FXYD6: variants seen among roughly 807,000 people sequenced by gnomAD.
The protein encoded by FXYD6 is FXYD domain-containing ion transport regulator 6.
Under a neutral mutation model 16.7 loss-of-function variants are expected in FXYD6, and 7 were observed. That is an observed-to-expected ratio of 0.42 (90% CI 0.24 to 0.79). FXYD6 has a LOEUF of 0.79. Among genes scored for constraint, FXYD6 ranks in the 30% least tolerant of loss-of-function variants. The probability of loss-of-function intolerance (pLI) is 0.28; values close to 1 mark genes in which losing one functional copy is unlikely to be tolerated. For synonymous variants in FXYD6, 49 were observed against 43.0 expected (o/e 1.14, Z -0.54); for missense variants, 111 against 116.2 (o/e 0.95, Z 0.21).
chr11:117,867,929 G>C (rs1016866563), intron 1 of FXYD6, among the ~76,000 whole-genome samples: 10 of 152,154 alleles, frequency 6.6e-5, no homozygotes, highest in African/African-American at 2.4e-4. Context: ...GTGTAGCCAA[G>C]GGCAGTGTAG....
intron 1 of FXYD6, among the ~76,000 whole-genome samples, chr11:117,847,934 T>G (rs186717302): frequency 1.3e-5 from 2 of 152,178 alleles, no homozygotes; most frequent in African/African-American, 4.8e-5. Flanking sequence ...CCTGAGGAAT[T>G]GCCACACTGA....
chr11:117,856,494 T>A (rs1225549888), intron 1 of FXYD6, among the ~76,000 whole-genome samples: 5 of 152,140 alleles, frequency 3.3e-5, no homozygotes, highest in Non-Finnish European at 5.9e-5. Flanking sequence ...TCACCGGGCC[T>A]GGGTCTTAGC....
intron 1 of FXYD6, among the ~76,000 whole-genome samples, chr11:117,851,294 T>TCTCC (rs1491478410): frequency 3.3e-5 from 5 of 152,100 alleles, no homozygotes; most frequent in African/African-American, 1.2e-4. Context: ...TCTCTCTCTC[T>TCTCC]CTCCCTCCCT....
chr11:117,868,975 C>T (rs1253584592), intron 1 of FXYD6: 1 of 152,248 alleles, frequency 6.6e-6, no homozygotes, highest in Non-Finnish European at 1.5e-5. Flanking sequence ...AAACAACCAT[C>T]AAGGGCTTTT....
At chr11:117,853,642 C>A (rs1319045669) in intron 1 of FXYD6, among the ~76,000 whole-genome samples, 2 of 152,132 alleles carry the variant, frequency 1.3e-5, no homozygotes, top group African/African-American at 4.8e-5. Context: ...CAAGCATGCA[C>A]CACCATGCCC....
At chr11:117,874,621 T>G (rs1379752610) in intron 1 of FXYD6, among the ~76,000 whole-genome samples, 2 of 152,194 alleles carry the variant, frequency 1.3e-5, no homozygotes, top group African/African-American at 2.4e-5. Context: ...CACTTTTCCT[T>G]CTCTCCTTTG....
chr11:117,869,409 C>T (rs1357444075), intron 1 of FXYD6, among the ~76,000 whole-genome samples: 99 of 152,200 alleles, frequency 6.5e-4, no homozygotes, highest in Non-Finnish European at 1.0e-4. Flanking sequence ...CTTCAGTAGC[C>T]CAACGGCTCG....
At chr11:117,876,694 T>C (rs1170363214), upstream of FXYD6, 3 of 147,320 alleles carry the variant, frequency 2.0e-5, no homozygotes, top group Non-Finnish European at 4.5e-5. Context: ...AGGCTTGAGC[T>C]GCTTTCCCGC....
intron 7 of FXYD6, 106 bp downstream of exon 7, chr11:117,839,675 T>G: frequency 7.4e-7 from 1 of 1,347,036 alleles, no homozygotes. Context: ...ATAAAAGCTG[T>G]GCCCACTGCA....
chr11:117,854,596 T>C (rs1388634604), intron 1 of FXYD6, among the ~76,000 whole-genome samples: 4 of 152,212 alleles, frequency 2.6e-5, no homozygotes, highest in Non-Finnish European at 1.5e-5. Context: ...GGCAAAGGGC[T>C]CTGATCCATC....
intron 1 of FXYD6, among the ~76,000 whole-genome samples, chr11:117,844,479 T>C (rs1214069739): frequency 6.6e-6 from 1 of 151,992 alleles, no homozygotes; most frequent in Non-Finnish European, 1.5e-5. Context: ...CAAAAATATA[T>C]ATTTTTATTT....
intron 1 of FXYD6, among the ~76,000 whole-genome samples, chr11:117,861,242 G>A (rs1591582341): frequency 6.6e-6 from 1 of 152,232 alleles, no homozygotes; most frequent in South Asian, 2.1e-4. Flanking sequence ...GTCTATGGGA[G>A]CCTGCCAATC....
intron 1 of FXYD6, among the ~76,000 whole-genome samples, chr11:117,874,707 G>A (rs2134221498): frequency 6.6e-6 from 1 of 152,366 alleles, no homozygotes; most frequent in South Asian, 2.1e-4. Flanking sequence ...AGAGCCTCAG[G>A]CTTTCTCTGG....
intron 1 of FXYD6, among the ~76,000 whole-genome samples, chr11:117,851,957 A>T (rs1369721995): frequency 6.6e-6 from 1 of 152,258 alleles, no homozygotes; most frequent in Non-Finnish European, 1.5e-5. Context: ...TCAATCTTGC[A>T]GGCTGGAGCT....
intron 1 of FXYD6, among the ~76,000 whole-genome samples, chr11:117,857,628 C>T (rs1461580272): frequency 6.6e-6 from 1 of 152,016 alleles, no homozygotes; most frequent in Non-Finnish European, 1.5e-5. Context: ...AAGATGGTCT[C>T]GATCTCTTGA....
intron 1 of FXYD6, among the ~76,000 whole-genome samples, chr11:117,876,387 C>G (rs1046523996): frequency 6.6e-6 from 1 of 152,192 alleles, no homozygotes; most frequent in Non-Finnish European, 1.5e-5. Flanking sequence ...CCTCTCTCTT[C>G]CGACGCCGAT....
intron 1 of FXYD6, among the ~76,000 whole-genome samples, chr11:117,848,716 A>T (rs897208712): frequency 6.6e-6 from 1 of 152,018 alleles, no homozygotes; most frequent in Non-Finnish European, 1.5e-5. Flanking sequence ...TGGTTATGGC[A>T]CTCTCCAGAT....
rs372749652 is a variant in FXYD6 at position 117,861,842 on chromosome 11, C to T, written c.-6+14750G>A. On this transcript the variant is annotated intron_variant, in intron 1 of 7. Transcript: ENST00000526014. ...GAGGTCACAGGATGTGGAGGGGCCT[C>T]GGCCCACAGCTGACACTGGCTCCCG... Among the ~76,000 whole-genome samples, 8 of 152,364 alleles carry T rather than the reference C, an allele frequency of 5.3e-5. No individual in the cohort carries two copies. The South Asian group carries it at 1.2e-3, about 24-fold the overall frequency.
Position 117,839,820 on chromosome 11 carries a change from G to C in FXYD6, c.270C>G (p.Pro90=). The C allele has an allele frequency of 6.2e-7, 1 of 1,614,144 alleles. No homozygotes were observed. Among genetic ancestry groups the C allele is most frequent in the East Asian group, 2.2e-5 (1 of 44,892 alleles). ...ENLITANATE[P]QKAEN ...CTGCACTTCAGTTCTCTGCTTTCTG[G>C]GGCTCTGTTGCTGGAAAGAAAACCA... The change falls in exon 7 of 8, where the codon CCC becomes CCG. Residue 90 remains proline (P), a synonymous_variant. Transcript: ENST00000526014.
Sources: allele counts gnomAD v4.1 joint callset (sites outside exome capture counted in the v4.1 genomes callset), GRCh38; gene constraint gnomAD v4.1.1; transcripts MANE v1.5; gene names NCBI Gene and HGNC (gene_info 2026-07-23, HGNC 2026-07-21).